The following TYRO3 variants were observed in gnomAD, a reference collection of about 807,000 sequenced individuals.
The protein encoded by TYRO3 is TYRO3 protein tyrosine kinase.
Under a neutral mutation model 95.2 loss-of-function variants are expected in TYRO3, and 38 were observed. That is an observed-to-expected ratio of 0.40 (90% confidence interval 0.31 to 0.52). The LOEUF is 0.52. Among genes scored for constraint, TYRO3 ranks in the 20% least tolerant of loss-of-function variants. The probability of loss-of-function intolerance (pLI) is 0.56; values close to 1 mark genes in which losing one functional copy is unlikely to be tolerated. For synonymous variants in TYRO3, 367 were observed against 432.9 expected, an observed-to-expected ratio of 0.85 and a Z score of 1.89; for missense variants, 812 against 1,116.4, an observed-to-expected ratio of 0.73 and a Z score of 3.89.
rs1239451154 is a variant in TYRO3, at chr15:41,573,753, G to C, written c.2220G>C (p.Glu740Asp). The change falls in exon 18 of 19, where the codon GAG becomes GAC. Residue 740 changes from glutamate (E) to aspartate (D), a missense_variant. By Grantham distance (45) the Glu-to-Asp change is conservative. Coordinates refer to ENST00000263798, the MANE Select transcript of TYRO3 (RefSeq NM_006293.4). The part of the protein sequence containing the change: ...QTPYAGIENA[E>D]IYNYLIGGNR... ...CATATGCTGGCATCGAAAACGCTGAGATTTACAACTACCTCATTGGCGGGA... is the reference window on the plus strand; with the variant it reads ...CATATGCTGGCATCGAAAACGCTGACATTTACAACTACCTCATTGGCGGGA... The C allele has an allele frequency of 6.2e-7, 1 of 1,614,272 alleles. No individual in the cohort carries two copies. The highest frequency in any genetic ancestry group is 1.1e-5 in the South Asian group (1 of 91,084).
intron 4 of TYRO3, 105 bp downstream of exon 4, chr15:41,562,823 A>G: frequency 8.4e-7 from 1 of 1,189,426 alleles, no homozygotes; most frequent in Non-Finnish European, 1.2e-6. Flanking sequence ...GAGCGTCCAG[A>G]GCAAGCCCCA....
intron 7 of TYRO3, among the ~76,000 whole-genome samples, chr15:41,567,775 C>A (rs562504464): frequency 9.3e-4 from 141 of 152,160 alleles, no homozygotes; most frequent in African/African-American, 3.3e-3. Context: ...GTTAAGGAAA[C>A]CCCCCCTAAA....
intron 14 of TYRO3, 130 bp from the exon 15 acceptor site, chr15:41,572,313 C>T: frequency 1.5e-6 from 2 of 1,333,970 alleles, no homozygotes; most frequent in Non-Finnish European, 2.0e-6. Context: ...AGTGTGGAGC[C>T]TGTGAAAAAA....
intron 9 of TYRO3, 109 bp downstream of exon 9, chr15:41,569,131 C>G: frequency 7.5e-7 from 1 of 1,335,164 alleles, no homozygotes; most frequent in Middle Eastern, 2.0e-4. Context: ...AGTAGACCCA[C>G]AGACAGAGTG....
At position 41,570,321 on chromosome 15, in the gene TYRO3, C is replaced by T. The variant is rs759356154; in HGVS notation, c.1464C>T (p.Pro488=). ...RAARSFNRER[P]ERIEATLDSL... ...CCCGGTCCTTCAATCGAGAAAGGCC[C>T]GAGCGCATCGAGGCCACATGTGAGT... The change falls in exon 11 of 19, where the codon CCC becomes CCT. Residue 488 remains proline (P), a synonymous_variant. Transcript: ENST00000263798. 15 of 1,613,926 alleles carry T rather than the reference C, an allele frequency of 9.3e-6. No individual in the cohort carries two copies. Among genetic ancestry groups the T allele is most frequent in the East Asian group, 6.7e-5 (3 of 44,896 alleles).
At chr15:41,560,519 G>T (rs1262910668) in intron 1 of TYRO3, among the ~76,000 whole-genome samples, 1 of 151,772 alleles carries the variant, frequency 6.6e-6, no homozygotes, top group Non-Finnish European at 1.5e-5. Flanking sequence ...CCCTGCTCAG[G>T]GCCCCAGCCC....
At chr15:41,567,172 C>G (rs2055733373) in intron 6 of TYRO3, among the ~76,000 whole-genome samples, 188 bp from the exon 7 acceptor site, 1 of 152,084 alleles carries the variant, frequency 6.6e-6, no homozygotes, top group Admixed American at 6.6e-5. Context: ...GTGAAAGGAA[C>G]AGCATTTGCA....
Position 41,561,249 on chromosome 15 carries a change from G to T in TYRO3, c.247G>T (p.Val83Phe). 6.2e-7 allele frequency: 1 copy of T among 1,614,232 alleles called. No individual in the cohort carries two copies. The highest frequency in any genetic ancestry group is 8.5e-7 in the Non-Finnish European group (1 of 1,180,042). The change falls in exon 2 of 19, where the codon GTC (valine) becomes TTC (phenylalanine). Residue 83 changes from valine (V) to phenylalanine (F), a missense_variant. Transcript: ENST00000263798. ...DIQWVKDGAV[V>F]QNLDQLYIPV... Reference sequence around the variant, plus strand: ...CCAGTGGGTGAAGGATGGGGCTGTGGTCCAGAACTTGGACCAGTTGTACAT... The same window carrying T: ...CCAGTGGGTGAAGGATGGGGCTGTGTTCCAGAACTTGGACCAGTTGTACAT...
Position 41,564,131 on chromosome 15 carries a change from C to T in TYRO3, c.581-53C>T, listed in dbSNP as rs1269048575. 2.5e-5 allele frequency: 38 copies of T among 1,520,984 alleles called. No individual in the cohort carries two copies. In the Admixed American group the frequency reaches 2.7e-4, roughly 11 times the overall value. 94.2% of individuals were successfully genotyped at this position (1,520,984 alleles called of 1,614,324 possible). A position where few individuals can be genotyped will look rare whatever the true frequency, so the allele number is the denominator to read the frequency against. The stretch of plus-strand genomic sequence containing the variant: ...CCTGAGTATTCCCCTTTCCCAGTCC[C>T]GCACTGAGTGGGGTTGCTGCTTGGG... On this transcript the variant is annotated intron_variant, in intron 4 of 18. Transcript: ENST00000263798.
chr15:41,560,446 C>T (rs188361901), intron 1 of TYRO3, among the ~76,000 whole-genome samples: 1 of 134,360 alleles, frequency 7.4e-6, no homozygotes, highest in Admixed American at 7.1e-5. Flanking sequence ...CGCGCGCGCG[C>T]TCGCACGCAA....
chr15:41,564,197 C>T lies in TYRO3; in HGVS notation c.594C>T (p.Ser198=), dbSNP rs900174955. The T allele has an allele frequency of 3.7e-6, 6 of 1,614,098 alleles. No individual in the cohort carries two copies. Among genetic ancestry groups the T allele is most frequent in the East Asian group, 2.2e-5 (1 of 44,872 alleles). ...SVLNVTGVTQ[S]TMFSCEAHNL... is the part of the protein sequence containing the mutation. ...TTCTGGCCCCAGGGGTGACCCAGAGCACCATGTTTTCCTGTGAAGCTCACA... is the reference window on the plus strand; with the variant it reads ...TTCTGGCCCCAGGGGTGACCCAGAGTACCATGTTTTCCTGTGAAGCTCACA... Residue 198 remains serine (S), a synonymous_variant, in exon 5 of 19, where the codon AGC becomes AGT. Transcript: ENST00000263798.
intron 2 of TYRO3, 109 bp from the exon 3 acceptor site, chr15:41,561,430 G>T: frequency 7.0e-7 from 1 of 1,432,646 alleles, no homozygotes; most frequent in African/African-American, 1.5e-5. Context: ...TTTTTATTTG[G>T]CTACCTGTGG....
Position 41,581,064 on chromosome 15 carries a change from G to T in TYRO3, c.*2788G>T, listed in dbSNP as rs1387027033. 6.5e-6 allele frequency: 1 copy of T among 153,256 alleles called. No homozygotes were observed. The highest frequency in any genetic ancestry group is 1.5e-5 in the Non-Finnish European group (1 of 68,038). The allele number at this position is 153,256 out of a possible 1,614,324, so 9.5% of individuals were successfully genotyped here. A position where few individuals can be genotyped will look rare whatever the true frequency, so the allele number is the denominator to read the frequency against. Reference sequence around the variant, plus strand: ...AGTTTAGCCAGGCTTGGTGGCGCAGGTTTGTCATCTCAGCTACTGGGTGAC... The same window carrying T: ...AGTTTAGCCAGGCTTGGTGGCGCAGTTTTGTCATCTCAGCTACTGGGTGAC... On this transcript the variant is annotated 3_prime_UTR_variant, in exon 19 of 19. Coordinates refer to ENST00000263798, the MANE Select transcript of TYRO3 (RefSeq NM_006293.4).
chr15:41,576,645 CTTTTTTTTTTT>C (rs971951671), intron 18 of TYRO3, among the ~76,000 whole-genome samples: 8 of 101,092 alleles, frequency 7.9e-5, no homozygotes, highest in Admixed American at 1.2e-4. Context: ...AGTAGGTTTC[CTTTTTTTTTTT>C]TTTTTTTTTT....
At chr15:41,561,952 A>G in intron 3 of TYRO3, 2 of 271,016 alleles carry the variant, frequency 7.4e-6, no homozygotes, top group Non-Finnish European at 1.4e-5. Flanking sequence ...CAGCAGGGGG[A>G]GGGGAGGAAG....
chr15:41,568,246 G>A lies in TYRO3; in HGVS notation c.991G>A (p.Ala331Thr). Residue 331 changes from alanine to threonine, a missense_variant, in exon 8 of 19, where the codon GCC becomes ACC. By Grantham distance (58) the Ala-to-Thr change is moderately conservative. Coordinates refer to ENST00000263798, the MANE Select transcript of TYRO3 (RefSeq NM_006293.4). ...AGCCAGCGCTCCCCAAAACCTCCAT[G>A]CCATCCGCACAGATTCAGGCCTCAT... ...APASAPQNLH[A>T]IRTDSGLILE... The A allele has an allele frequency of 6.2e-7, 1 of 1,612,818 alleles. No individual in the cohort carries two copies. Among genetic ancestry groups the A allele is most frequent in the East Asian group, 2.2e-5 (1 of 44,868 alleles).
intron 11 of TYRO3, 27 bp downstream of exon 11, chr15:41,570,367 A>T (rs1401112543): frequency 9.2e-7 from 1 of 1,092,038 alleles, no homozygotes; most frequent in Non-Finnish European, 1.3e-6. Context: ...CGTGGGAAGG[A>T]CAAATGGGCT....
At chr15:41,565,180 A>G (rs370222684) in intron 6 of TYRO3, 39 bp downstream of exon 6, 5 of 1,333,882 alleles carry the variant, frequency 3.7e-6, no homozygotes, top group Middle Eastern at 3.6e-4. Flanking sequence ...TTCTGGCTGC[A>G]TGGCCAGCAC....
intron 1 of TYRO3, among the ~76,000 whole-genome samples, chr15:41,560,346 C>G (rs777727706): frequency 6.6e-6 from 1 of 151,282 alleles, no homozygotes; most frequent in Non-Finnish European, 1.5e-5. Flanking sequence ...TTGACCTGCC[C>G]CTCTCTCTGC....
Sources: allele counts gnomAD v4.1 joint callset (sites outside exome capture counted in the v4.1 genomes callset), GRCh38; gene constraint gnomAD v4.1.1; transcripts MANE v1.5; gene names NCBI Gene and HGNC (gene_info 2026-07-23, HGNC 2026-07-21).